DPF3: variants seen among roughly 807,000 people sequenced by gnomAD.
DPF3 encodes double PHD fingers 3, also known as zinc finger protein DPF3.
In DPF3, 18 loss-of-function variants were observed where a neutral mutation model predicts 56.8. The ratio of observed to expected loss-of-function variants is 0.32; its 90% CI spans 0.22 to 0.47. The LOEUF (loss-of-function observed/expected upper bound fraction) is 0.47, where lower values mean the gene tolerates loss of function less well. DPF3 is among the 20% of genes least tolerant of loss of function. DPF3 has a pLI of 1.00. For synonymous variants in DPF3, 188 were observed against 180.2 expected, an observed-to-expected ratio of 1.04 and a Z score of -0.35; for missense variants, 403 against 488.8, an observed-to-expected ratio of 0.82 and a Z score of 1.65.
chr14:72,762,631 A>T lies in DPF3; in HGVS notation c.193+9102T>A, dbSNP rs61986299. On this transcript the variant is annotated intron_variant, in intron 2 of 10. Coordinates refer to ENST00000556509, the MANE Select transcript of DPF3 (RefSeq NM_001280542.3). Reference sequence around the variant, plus strand: ...AATATCTACAAAAAATTCTACAGCTAATGTCATACTTAATAACAAAAAAAT... The same window carrying T: ...AATATCTACAAAAAATTCTACAGCTTATGTCATACTTAATAACAAAAAAAT... Among the ~76,000 whole-genome samples the T allele has an allele frequency of 5.9e-3, 890 of 152,066 alleles. 1 individual carries two copies. Among genetic ancestry groups the T allele is most frequent in the Middle Eastern group, 0.017 (5 of 294 alleles).
At chr14:72,741,902 A>T (rs1183301967) in intron 3 of DPF3, among the ~76,000 whole-genome samples, 3 of 152,058 alleles carry the variant, frequency 2.0e-5, no homozygotes, top group African/African-American at 7.2e-5. Flanking sequence ...ACTCAGCAGC[A>T]GCCGTGCCAC....
At chr14:72,828,448 G>A (rs552319484) in intron 1 of DPF3, among the ~76,000 whole-genome samples, 30 of 150,088 alleles carry the variant, frequency 2.0e-4, no homozygotes, top group Non-Finnish European at 4.1e-4. Flanking sequence ...CAAGGCAAGA[G>A]GATCGCTTGA....
chr14:72,653,322 C>G (rs74919177), intron 8 of DPF3, among the ~76,000 whole-genome samples: 1 of 152,160 alleles, frequency 6.6e-6, no homozygotes, highest in Non-Finnish European at 1.5e-5. Context: ...CGGGCCTCCA[C>G]GGAGTGGATG....
intron 8 of DPF3, chr14:72,662,585 A>C (rs1363082750): frequency 3.0e-6 from 3 of 985,386 alleles, no homozygotes; most frequent in Non-Finnish European, 3.6e-6. Context: ...AAGAAAAAAA[A>C]AATCTTCTTA....
At chr14:72,764,635 C>CCCG (rs1377177399) in intron 2 of DPF3, among the ~76,000 whole-genome samples, 2 of 151,540 alleles carry the variant, frequency 1.3e-5, no homozygotes, top group Non-Finnish European at 2.9e-5. Context: ...ACTACAGGCG[C>CCCG]CCACCACGCC....
At chr14:72,821,507 G>A (rs1278931594) in intron 1 of DPF3, among the ~76,000 whole-genome samples, 5 of 149,944 alleles carry the variant, frequency 3.3e-5, no homozygotes, top group African/African-American at 1.2e-4. Context: ...TTGAGTAAAC[G>A]CTGGCATCAA....
rs923741308 is a variant in DPF3 at position 72,662,852 on chromosome 14, T to C, written c.871+11388A>G. On this transcript the variant is annotated intron_variant, in intron 8 of 10. Coordinates refer to ENST00000556509, the MANE Select transcript of DPF3 (RefSeq NM_001280542.3). ...ATGTTGACTGCAGAGGGAAAGGCAA[T>C]GAAAGATAAAACAAAAAACAACAGC... 14 of 978,314 alleles carry C rather than the reference T, an allele frequency of 1.4e-5. No homozygotes were observed. In the African/African-American group the frequency reaches 2.0e-4, roughly 14 times the overall value. 60.6% of individuals were successfully genotyped at this position (978,314 alleles called of 1,614,324 possible).
chr14:72,639,909 A>T (rs1885493456), intron 8 of DPF3, among the ~76,000 whole-genome samples: 1 of 152,050 alleles, frequency 6.6e-6, no homozygotes, highest in African/African-American at 2.4e-5. Context: ...ACAATGTGAT[A>T]AGTGCCATAA....
intron 8 of DPF3, chr14:72,671,446 C>A (rs778056595): frequency 5.3e-5 from 75 of 1,425,050 alleles, no homozygotes; most frequent in Non-Finnish European, 1.1e-5. Context: ...GATATAAAAC[C>A]ATTTGCACAC....
chr14:72,689,672 A>C (rs1054853677), intron 7 of DPF3, among the ~76,000 whole-genome samples: 1 of 152,146 alleles, frequency 6.6e-6, no homozygotes, highest in Non-Finnish European at 1.5e-5. Flanking sequence ...ACAAGAAAAT[A>C]GTCGGGGGGC....
intron 1 of DPF3, among the ~76,000 whole-genome samples, chr14:72,810,311 G>C (rs1250809476): frequency 6.6e-6 from 1 of 152,212 alleles, no homozygotes; most frequent in Non-Finnish European, 1.5e-5. Flanking sequence ...CACACCTATA[G>C]TGGGGGTTCC....
intron 6 of DPF3, among the ~76,000 whole-genome samples, chr14:72,699,541 T>G (rs941933543): frequency 4.3e-5 from 6 of 138,130 alleles, no homozygotes; most frequent in African/African-American, 1.3e-4. Flanking sequence ...AAAAAAAAAA[T>G]TAGTAATTGT....
intron 1 of DPF3, among the ~76,000 whole-genome samples, chr14:72,787,052 C>T (rs1053754814): frequency 9.2e-5 from 14 of 152,354 alleles, no homozygotes; most frequent in African/African-American, 3.1e-4. Context: ...TTGATTTTCT[C>T]TGTCAAAGGC....
At chr14:72,747,369 T>C (rs769473803) in intron 3 of DPF3, among the ~76,000 whole-genome samples, 38 of 152,118 alleles carry the variant, frequency 2.5e-4, no homozygotes, top group Non-Finnish European at 4.9e-4. Flanking sequence ...AATCTGTCCT[T>C]CCTAGGTCTT....
chr14:72,682,811 TGA>T (rs1179273391), intron 7 of DPF3, among the ~76,000 whole-genome samples: 1 of 152,168 alleles, frequency 6.6e-6, no homozygotes, highest in East Asian at 1.9e-4. Context: ...AAGTTGGTGC[TGA>T]GAGTCAGAGA....
chr14:72,641,748 C>T (rs1309946780), intron 8 of DPF3, among the ~76,000 whole-genome samples: 1 of 152,242 alleles, frequency 6.6e-6, no homozygotes, highest in Admixed American at 6.5e-5. Context: ...TGGTCCTCCT[C>T]TTTTCAAGAA....
rs1884178515 is a variant in DPF3, at chr14:72,617,778, CG to C, written c.*1518del. On this transcript the variant is annotated 3_prime_UTR_variant, in exon 11 of 11. Transcript: ENST00000556509. ...AGGTGGCCCAACTAGCCCGAGTCTC[CG>C]GGAGCGTCCTCAGGAGCTGAAGAAC... Among the ~76,000 whole-genome samples the C allele has an allele frequency of 6.6e-6, 1 of 152,150 alleles. No homozygotes were observed. Among genetic ancestry groups the C allele is most frequent in the South Asian group, 2.1e-4 (1 of 4,820 alleles).
intron 2 of DPF3, 49 bp from the exon 3 acceptor site, chr14:72,753,420 C>T (rs761966153): frequency 6.9e-7 from 1 of 1,457,144 alleles, no homozygotes; most frequent in Non-Finnish European, 9.3e-7. Context: ...CTGGAAGGGG[C>T]CTTGGAAACT....
chr14:72,715,596 G>C (rs1209369739), intron 5 of DPF3, among the ~76,000 whole-genome samples: 1 of 151,884 alleles, frequency 6.6e-6, no homozygotes, highest in East Asian at 1.9e-4. Context: ...GGACTTGATG[G>C]TGGAAAGGCC....
Sources: gnomAD v4.1 joint callset for allele counts (sites outside exome capture counted in the v4.1 genomes callset) on GRCh38, gnomAD v4.1.1 for gene constraint, MANE v1.5 for transcripts, NCBI Gene and HGNC (gene_info 2026-07-23, HGNC 2026-07-21) for gene names.